Variants in SSH2 observed in about 807,000 individuals in gnomAD.
SSH2 encodes slingshot protein phosphatase 2, also known as protein phosphatase Slingshot homolog 2.
SSH2 carries 37 observed loss-of-function variants against 135.2 expected under a neutral mutation model. The ratio of observed to expected loss-of-function variants is 0.27; its 90% CI spans 0.21 to 0.36. The LOEUF (loss-of-function observed/expected upper bound fraction) is 0.36. SSH2 is among the 10% of genes least tolerant of loss of function. The pLI is 1.00. For synonymous variants in SSH2, 628 were observed against 646.2 expected, an observed-to-expected ratio of 0.97 and a Z score of 0.43; for missense variants, 1,408 against 1,765.3, an observed-to-expected ratio of 0.80 and a Z score of 3.63.
Position 29,631,445 on chromosome 17 carries a change from C to T in SSH2, c.3749G>A (p.Ser1250Asn). ...PHSSSSENIK[S>N]LSHSPGVVKE... ...CACCACACCGGGGCTGTGGCTGAGA[C>T]TCTTTATGTTTTCACTACTAGAGCT... is the stretch of plus-strand genomic sequence containing the variant. The change falls in exon 16 of 16, where the codon AGT becomes AAT. Residue 1250 changes from serine to asparagine, a missense_variant. Physicochemically the swap from Ser to Asn is conservative, Grantham distance 46. This residue lies in a region of SSH2 where 1,080 missense variants were observed against 1,144.5 expected (regional missense o/e 0.94). Coordinates refer to ENST00000540801, the MANE Select transcript of SSH2 (RefSeq NM_001282129.2). 1 of 1,614,166 alleles carries T rather than the reference C, an allele frequency of 6.2e-7. No individual in the cohort carries two copies. Among genetic ancestry groups the T allele is most frequent in the East Asian group, 2.2e-5 (1 of 44,876 alleles).
chr17:29,763,407 C>T (rs2041368279), intron 3 of SSH2, among the ~76,000 whole-genome samples: 1 of 151,848 alleles, frequency 6.6e-6, no homozygotes, highest in South Asian at 2.1e-4. Flanking sequence ...GCTGATACAC[C>T]CCAAAATAAA....
chr17:29,889,771 C>T (rs373664376), intron 1 of SSH2, among the ~76,000 whole-genome samples: 17 of 147,756 alleles, frequency 1.2e-4, no homozygotes, highest in African/African-American at 4.3e-4. Context: ...CAAAGGCCAG[C>T]CTGGGCAACA....
At chr17:29,687,316 G>A (rs781257782) in intron 5 of SSH2, among the ~76,000 whole-genome samples, 1 of 152,208 alleles carries the variant, frequency 6.6e-6, no homozygotes, top group African/African-American at 2.4e-5. Context: ...AACAGCAGAA[G>A]TGGCTACATT....
chr17:29,928,637 T>C (rs777599606), intron 1 of SSH2: 3 of 398,290 alleles, frequency 7.5e-6, no homozygotes, highest in Non-Finnish European at 1.3e-5. Flanking sequence ...TATTAAGATA[T>C]AGTTGTCAAT....
chr17:29,648,339 T>C lies in SSH2; in HGVS notation c.1232A>G (p.His411Arg), dbSNP rs1427290222. 3 of 1,600,558 alleles carry C rather than the reference T, an allele frequency of 1.9e-6. No individual in the cohort carries two copies. Among genetic ancestry groups the C allele is most frequent in the East Asian group, 2.2e-5 (1 of 44,658 alleles). The change falls in exon 14 of 16, where the codon CAT becomes CGT. Residue 411 changes from histidine (H) to arginine (R), a missense_variant. By Grantham distance (29) the His-to-Arg change is conservative (BLOSUM62 0). Coordinates refer to ENST00000540801, the MANE Select transcript of SSH2 (RefSeq NM_001282129.2). ...GCAGTGCACAAGGCATTTAGATCCA[T>C]GTTTCCTTGTTTGGGGGATTGAGGT... The part of the protein sequence containing the change: ...TYKFISKAKK[H>R]GSKCLVHCKM...
intron 3 of SSH2, among the ~76,000 whole-genome samples, chr17:29,781,822 CTT>C (rs1160481736): frequency 1.3e-5 from 2 of 151,312 alleles, no homozygotes; most frequent in Non-Finnish European, 2.9e-5. Flanking sequence ...CTCCTCTCCT[CTT>C]TTTCTCTCTC....
intron 5 of SSH2, 26 bp from the exon 6 acceptor site, chr17:29,684,710 A>G (rs201167266): frequency 1.1e-4 from 175 of 1,598,684 alleles, no homozygotes; most frequent in Admixed American, 1.7e-4. Context: ...CAACAGAGAA[A>G]TTATGAAATT....
chr17:29,862,717 A>T (rs577976549), intron 1 of SSH2, among the ~76,000 whole-genome samples: 3 of 152,338 alleles, frequency 2.0e-5, no homozygotes, highest in African/African-American at 7.2e-5. Flanking sequence ...TCTGGCCTGC[A>T]ATTAGCCTAT....
chr17:29,830,814 C>T (rs1459442097), intron 2 of SSH2, among the ~76,000 whole-genome samples: 1 of 152,102 alleles, frequency 6.6e-6, no homozygotes, highest in Non-Finnish European at 1.5e-5. Context: ...GGTATTATGC[C>T]TGGTATAGCT....
At chr17:29,850,230 A>G (rs902316655) in intron 1 of SSH2, among the ~76,000 whole-genome samples, 16 of 152,100 alleles carry the variant, frequency 1.1e-4, no homozygotes, top group Admixed American at 8.5e-4. Context: ...ATGACTAACA[A>G]CTCAAAAAAG....
intron 2 of SSH2, among the ~76,000 whole-genome samples, chr17:29,818,877 C>G (rs2042605361): frequency 6.6e-6 from 1 of 151,274 alleles, no homozygotes; most frequent in South Asian, 2.1e-4. Context: ...TGCTTGAGAC[C>G]AGGAGTTCGA....
At chr17:29,909,673 A>AT (rs2151471364) in intron 1 of SSH2, among the ~76,000 whole-genome samples, 1 of 152,314 alleles carries the variant, frequency 6.6e-6, no homozygotes, top group South Asian at 2.1e-4. Flanking sequence ...ATTCCCAAAT[A>AT]TAAGAGTTAA....
At chr17:29,772,136 C>A (rs184495909) in intron 3 of SSH2, among the ~76,000 whole-genome samples, 1 of 151,974 alleles carries the variant, frequency 6.6e-6, no homozygotes, top group East Asian at 1.9e-4. Context: ...TCTATTCAGT[C>A]CACCTCACAG....
chr17:29,792,734 T>A (rs1390392335), intron 3 of SSH2, among the ~76,000 whole-genome samples: 1 of 152,246 alleles, frequency 6.6e-6, no homozygotes, highest in East Asian at 1.9e-4. Flanking sequence ...TGGAGTGCAG[T>A]GGCGCGATCT....
chr17:29,913,348 A>AT (rs1555543505), intron 1 of SSH2, among the ~76,000 whole-genome samples: 1 of 13,692 alleles, frequency 7.3e-5, no homozygotes, highest in Non-Finnish European at 1.3e-4. Flanking sequence ...AAAAAAAAAA[A>AT]TATATATATA....
chr17:29,775,081 G>C (rs1016533728), intron 3 of SSH2, among the ~76,000 whole-genome samples: 7 of 152,154 alleles, frequency 4.6e-5, no homozygotes, highest in African/African-American at 1.4e-4. Flanking sequence ...AAACAAAACT[G>C]TAAGGTGCCT....
At chr17:29,812,588 TA>T (rs2042463008) in intron 2 of SSH2, among the ~76,000 whole-genome samples, 1 of 152,168 alleles carries the variant, frequency 6.6e-6, no homozygotes, top group African/African-American at 2.4e-5. Context: ...CCAGCCTATT[TA>T]TGCATTTTAA....
chr17:29,773,605 A>C (rs1040224738), intron 3 of SSH2, among the ~76,000 whole-genome samples: 6 of 152,146 alleles, frequency 3.9e-5, no homozygotes, highest in African/African-American at 1.4e-4. Context: ...TCGCCTTTTG[A>C]GATTATTAAA....
chr17:29,634,562 ATTATTT>A (rs1054824775), intron 15 of SSH2, among the ~76,000 whole-genome samples: 78 of 114,636 alleles, frequency 6.8e-4, no homozygotes, highest in African/African-American at 2.3e-3. Context: ...TATTATTATT[ATTATTT>A]TTTGAGACGG....
Sources: gnomAD v4.1 joint callset for allele counts (sites outside exome capture counted in the v4.1 genomes callset) on GRCh38, gnomAD v4.1.1 for gene constraint, gnomAD v4.1.1 regional missense constraint, MANE v1.5 for transcripts, NCBI Gene and HGNC (gene_info 2026-07-23, HGNC 2026-07-21) for gene names.